MYT1L: variants seen among roughly 807,000 people sequenced by gnomAD.
MYT1L encodes myelin transcription factor 1 like, also known as myelin transcription factor 1-like protein.
In MYT1L, 12 loss-of-function variants were observed where a neutral mutation model predicts 126.7. The observed-to-expected ratio is 0.09, with a 90% confidence interval of 0.06 to 0.15. The LOEUF is 0.15. MYT1L is among the 10% of genes least tolerant of loss of function. The pLI is 1.00. For missense variants in MYT1L, 979 were observed against 1,585.2 expected, an observed-to-expected ratio of 0.62 and a Z score of 6.49; for synonymous variants, 541 against 604.2, an observed-to-expected ratio of 0.90 and a Z score of 1.53.
chr2:1,997,113 G>C (rs184916146), intron 5 of MYT1L, 78 bp downstream of exon 5: 1 of 144,094 alleles, frequency 6.9e-6, no homozygotes, highest in Non-Finnish European at 1.5e-5. Context: ...GAGTGTAGAC[G>C]GGCCGCCTTT....
Position 1,790,830 on chromosome 2 carries a change from A to G in MYT1L, c.*1037T>C, listed in dbSNP as rs2031958522. 1 of 159,994 alleles carries G rather than the reference A, an allele frequency of 6.3e-6. No individual in the cohort carries two copies. Among genetic ancestry groups the G allele is most frequent in the Non-Finnish European group, 1.4e-5 (1 of 72,462 alleles). The allele number at this position is 159,994 out of a possible 1,614,324, so 9.9% of individuals were successfully genotyped here. On this transcript the variant is annotated 3_prime_UTR_variant, in exon 25 of 25. Coordinates refer to ENST00000647738, the MANE Select transcript of MYT1L (RefSeq NM_001303052.2). Reference sequence around the variant, plus strand: ...AAATAAGAAGGTTCATAACAATAATAGGAATAATCATAATTTTTTAAAGTG... The same window carrying G: ...AAATAAGAAGGTTCATAACAATAATGGGAATAATCATAATTTTTTAAAGTG...
chr2:2,292,716 T>A (rs1004202031), intron 1 of MYT1L, among the ~76,000 whole-genome samples: 1 of 152,108 alleles, frequency 6.6e-6, no homozygotes, highest in African/African-American at 2.4e-5. Context: ...ATTTGTAAAT[T>A]TAAAAAAGAC....
rs910577552 is a variant in MYT1L at position 2,164,703 on chromosome 2, G to C, written c.-304+8169C>G. ...ATAAACTTGTGACATTCTGCAACGT[G>C]CTTTCAGGGCATATGAAAGAAAGAC... On this transcript the variant is annotated intron_variant, in intron 3 of 24. Transcript: ENST00000647738. Among the ~76,000 whole-genome samples, 22 of 152,192 alleles carry C rather than the reference G, an allele frequency of 1.4e-4. 1 individual carries two copies. Among genetic ancestry groups the C allele is most frequent in the African/African-American group, 5.1e-4 (21 of 41,442 alleles).
At chr2:2,060,668 TCC>T (rs1403976013) in intron 3 of MYT1L, among the ~76,000 whole-genome samples, 1 of 87,778 alleles carries the variant, frequency 1.1e-5, no homozygotes, top group Admixed American at 1.3e-4. Flanking sequence ...CCTGTCTCCC[TCC>T]CCTCCCCTCC....
intron 8 of MYT1L, among the ~76,000 whole-genome samples, chr2:1,959,349 C>G (rs756138315): frequency 2.6e-5 from 4 of 152,016 alleles, no homozygotes; most frequent in Non-Finnish European, 5.9e-5. Flanking sequence ...TCCTGGAGAG[C>G]GGAGACAGGC....
At chr2:2,080,166 G>T (rs2075663511) in intron 3 of MYT1L, among the ~76,000 whole-genome samples, 1 of 152,076 alleles carries the variant, frequency 6.6e-6, no homozygotes, top group Non-Finnish European at 1.5e-5. Flanking sequence ...TACAAACATG[G>T]ACGCAAAATG....
At chr2:2,038,389 C>T (rs532236871) in intron 4 of MYT1L, among the ~76,000 whole-genome samples, 4 of 152,272 alleles carry the variant, frequency 2.6e-5, no homozygotes, top group Admixed American at 2.6e-4. Flanking sequence ...ATGACACCAT[C>T]AGATCTAACA....
intron 2 of MYT1L, among the ~76,000 whole-genome samples, chr2:2,243,165 T>C (rs2094470608): frequency 1.3e-5 from 2 of 152,148 alleles, no homozygotes; most frequent in Non-Finnish European, 2.9e-5. Flanking sequence ...ATCAGAAGTG[T>C]TGAAGTTGAG....
intron 2 of MYT1L, among the ~76,000 whole-genome samples, chr2:2,283,233 T>C (rs1383270166): frequency 6.6e-6 from 1 of 152,264 alleles, no homozygotes; most frequent in African/African-American, 2.4e-5. Context: ...ACCAACATAC[T>C]AATGGTGGTT....
chr2:1,901,132 T>A (rs1479736486), intron 14 of MYT1L, among the ~76,000 whole-genome samples: 1 of 151,282 alleles, frequency 6.6e-6, no homozygotes, highest in African/African-American at 2.4e-5. Flanking sequence ...TGACTTCGGG[T>A]GCCCTAAAGG....
chr2:1,831,883 G>A (rs2040240831), intron 21 of MYT1L, among the ~76,000 whole-genome samples: 1 of 152,108 alleles, frequency 6.6e-6, no homozygotes, highest in African/African-American at 2.4e-5. Flanking sequence ...TGAACCTGCA[G>A]GGTCAAGTGT....
intron 3 of MYT1L, among the ~76,000 whole-genome samples, chr2:2,166,138 G>A (rs1039205951): frequency 2.0e-5 from 3 of 151,900 alleles, no homozygotes; most frequent in Non-Finnish European, 2.9e-5. Context: ...TTCCTTCCTC[G>A]TCTCCTTATT....
At chr2:2,213,981 G>A (rs1334579925) in intron 2 of MYT1L, among the ~76,000 whole-genome samples, 1 of 152,024 alleles carries the variant, frequency 6.6e-6, no homozygotes, top group South Asian at 2.1e-4. Context: ...GTTAAGTGAA[G>A]ACAGGAGATA....
At chr2:2,270,766 T>C (rs1271507704) in intron 2 of MYT1L, among the ~76,000 whole-genome samples, 2 of 152,130 alleles carry the variant, frequency 1.3e-5, no homozygotes, top group East Asian at 1.9e-4. Context: ...CTGGTGCTCC[T>C]GCCCCAGCTC....
rs80231670 is a variant in MYT1L, at chr2:1,919,377, G to A, written c.1484-2038C>T. Among the ~76,000 whole-genome samples, 19 of 152,126 alleles carry A rather than the reference G, an allele frequency of 1.2e-4. No homozygotes were observed. The East Asian group carries it at 3.3e-3, about 26-fold the overall frequency. Reference sequence around the variant, plus strand: ...ACACAAAATAACCAAGCAAGCAAAGGGACCAACAATTTAACCAAACACCTT... The same window carrying A: ...ACACAAAATAACCAAGCAAGCAAAGAGACCAACAATTTAACCAAACACCTT... On this transcript the variant is annotated intron_variant, in intron 10 of 24. Coordinates refer to ENST00000647738, the MANE Select transcript of MYT1L (RefSeq NM_001303052.2).
At chr2:1,993,237 G>A (rs2149581288) in intron 5 of MYT1L, among the ~76,000 whole-genome samples, 1 of 152,326 alleles carries the variant, frequency 6.6e-6, no homozygotes, top group East Asian at 1.9e-4. Context: ...CAGGCAAGGT[G>A]AACCCCTTGG....
intron 22 of MYT1L, among the ~76,000 whole-genome samples, chr2:1,808,006 T>C (rs1253165389): frequency 3.3e-5 from 5 of 152,256 alleles, no homozygotes; most frequent in African/African-American, 4.8e-5. Context: ...CTTTTCCCAC[T>C]TTGCTCTGCA....
intron 1 of MYT1L, chr2:2,325,776 CAT>C (rs1320429200): frequency 2.6e-5 from 4 of 152,276 alleles, no homozygotes; most frequent in Non-Finnish European, 4.4e-5. Flanking sequence ...AGCATGCAGA[CAT>C]AGCAGTGCCC....
rs1287304460 is a variant in MYT1L at position 1,929,982 on chromosome 2, G to A, written c.506-6719C>T. 6.6e-6 allele frequency among the ~76,000 whole-genome samples: 1 copy of A among 152,192 alleles called. No individual in the cohort carries two copies. The highest frequency in any genetic ancestry group is 2.4e-5 in the African/African-American group (1 of 41,434). ...AATTTTCTGAGACATAGGAAGATCC[G>A]TGTTTAGCAGGCATTCATCTGCTTC... On this transcript the variant is annotated intron_variant, in intron 9 of 24. Coordinates refer to ENST00000647738, the MANE Select transcript of MYT1L (RefSeq NM_001303052.2). The surrounding 1 kb of genome is among the most constrained non-coding windows in gnomAD (Gnocchi z 4.7).
Sources: allele counts gnomAD v4.1 joint callset (sites outside exome capture counted in the v4.1 genomes callset), GRCh38; gene constraint gnomAD v4.1.1; non-coding constraint Gnocchi (gnomAD v3.1); transcripts MANE v1.5; gene names NCBI Gene and HGNC (gene_info 2026-07-23, HGNC 2026-07-21).